CA10: variants seen among roughly 807,000 people sequenced by gnomAD.
CA10 encodes the protein carbonic anhydrase 10 (inactive).
Under a neutral mutation model 44.2 loss-of-function variants are expected in CA10, and 14 were observed. The ratio of observed to expected loss-of-function variants is 0.32; its 90% CI spans 0.21 to 0.50. The LOEUF is 0.50. CA10 is among the 20% of genes least tolerant of loss of function. The pLI, the probability that CA10 is intolerant of heterozygous loss-of-function variation, is 0.99. For synonymous variants in CA10, 159 were observed against 141.6 expected, an observed-to-expected ratio of 1.12 and a Z score of -0.87; for missense variants, 350 against 409.7, an observed-to-expected ratio of 0.85 and a Z score of 1.26.
chr17:52,114,275 C>G (rs1004297913), intron 1 of CA10, among the ~76,000 whole-genome samples: 2 of 152,170 alleles, frequency 1.3e-5, no homozygotes, highest in African/African-American at 4.8e-5. Context: ...TCCTTTTGGA[C>G]CACTAGAGTT....
intron 1 of CA10, among the ~76,000 whole-genome samples, chr17:52,118,016 A>G (rs570963793): frequency 1.6e-4 from 24 of 152,332 alleles, no homozygotes; most frequent in African/African-American, 5.1e-4. Context: ...TTGAAGTAAA[A>G]GCACAACAAG....
At chr17:52,038,687 G>A (rs1434046659) in intron 2 of CA10, among the ~76,000 whole-genome samples, 2 of 152,108 alleles carry the variant, frequency 1.3e-5, no homozygotes, top group Non-Finnish European at 2.9e-5. Flanking sequence ...GTAAGACAAT[G>A]TATTTTGCAG....
At chr17:51,681,951 G>C (rs28545175) in intron 4 of CA10, among the ~76,000 whole-genome samples, 1 of 152,108 alleles carries the variant, frequency 6.6e-6, no homozygotes, top group Non-Finnish European at 1.5e-5. Context: ...GCTGTTTGGG[G>C]TGAAGGGAGA....
chr17:51,734,180 G>C (rs1182442200), intron 4 of CA10, among the ~76,000 whole-genome samples: 5 of 41,102 alleles, frequency 1.2e-4, no homozygotes, highest in Non-Finnish European at 1.2e-4. Flanking sequence ...TCTTTGGTTG[G>C]GGGGGGGGGG....
intron 2 of CA10, among the ~76,000 whole-genome samples, chr17:51,942,099 A>T (rs959653184): frequency 2.0e-5 from 3 of 152,130 alleles, no homozygotes; most frequent in African/African-American, 7.2e-5. Flanking sequence ...AGCAGTGGAT[A>T]CCTCAGTTTT....
At chr17:51,782,780 G>A (rs1327941217) in intron 3 of CA10, among the ~76,000 whole-genome samples, 1 of 152,172 alleles carries the variant, frequency 6.6e-6, no homozygotes, top group African/African-American at 2.4e-5. Flanking sequence ...CAGGGAGGCA[G>A]GATGTTGCAT....
chr17:51,849,861 C>A (rs1215325873), intron 3 of CA10, among the ~76,000 whole-genome samples: 1 of 152,148 alleles, frequency 6.6e-6, no homozygotes, highest in East Asian at 1.9e-4. Context: ...CACTCTCTTT[C>A]TTTGCATGAA....
intron 4 of CA10, among the ~76,000 whole-genome samples, chr17:51,713,468 A>G (rs1916006180): frequency 6.6e-6 from 1 of 152,212 alleles, no homozygotes; most frequent in Non-Finnish European, 1.5e-5. Context: ...TTTGACAAAA[A>G]TAGGGCCTGA....
In CA10 at chr17:52,041,217, C is replaced by T. The variant is rs144149908; in HGVS notation, c.136+31102G>A. 1.2e-3 allele frequency among the ~76,000 whole-genome samples: 187 copies of T among 152,102 alleles called. 5 individuals carry two copies. The South Asian group carries it at 0.023, about 19-fold the overall frequency. On this transcript the variant is annotated intron_variant, in intron 2 of 8. Transcript: ENST00000451037. ...CAAAAAGTAAAATTCACAATATCTA[C>T]CATCAATTCAAAATGGCAAGACATA...
chr17:51,986,249 TA>T (rs1984833576), intron 2 of CA10, among the ~76,000 whole-genome samples: 1 of 151,500 alleles, frequency 6.6e-6, no homozygotes, highest in Non-Finnish European at 1.5e-5. Flanking sequence ...AAAAACAAAG[TA>T]AAGAAAGAAC....
chr17:51,864,592 C>T (rs1472927561), intron 3 of CA10, among the ~76,000 whole-genome samples: 1 of 152,158 alleles, frequency 6.6e-6, no homozygotes, highest in Non-Finnish European at 1.5e-5. Context: ...TTTTGCCTTT[C>T]ACACCTTTTC....
At chr17:51,841,105 GT>G (rs1047424008) in intron 3 of CA10, among the ~76,000 whole-genome samples, 3 of 152,100 alleles carry the variant, frequency 2.0e-5, no homozygotes, top group African/African-American at 7.2e-5. Context: ...TATATGCCAA[GT>G]CCCTTTTGTT....
At chr17:51,759,358 CTGTGTGTGTGTGTG>C (rs5820879) in intron 3 of CA10, among the ~76,000 whole-genome samples, 4 of 141,978 alleles carry the variant, frequency 2.8e-5, no homozygotes, top group Admixed American at 7.2e-5. Context: ...CTTCTTTGCT[CTGTGTGTGTGTGTG>C]TGTGTGTGTG....
chr17:51,723,910 C>T (rs1916435223), intron 4 of CA10, among the ~76,000 whole-genome samples: 1 of 152,138 alleles, frequency 6.6e-6, no homozygotes, highest in South Asian at 2.1e-4. Context: ...TTACTGGGTG[C>T]CCATGGGGTA....
chr17:51,642,270 T>C (rs961375284), intron 6 of CA10, among the ~76,000 whole-genome samples: 1 of 152,164 alleles, frequency 6.6e-6, no homozygotes, highest in Non-Finnish European at 1.5e-5. Flanking sequence ...GAAATGAAAG[T>C]ACAAGTTCAA....
In CA10 at chr17:51,899,901, C is replaced by T. The variant is rs72834204; in HGVS notation, c.279+31089G>A. ...TCCATTTGCTTGGTAGATTTTTCTA[C>T]ATCCCTTTACTTTGAGACTATGGGT... is the stretch of plus-strand genomic sequence containing the variant. On this transcript the variant is annotated intron_variant, in intron 3 of 8. Coordinates refer to ENST00000451037, the MANE Select transcript of CA10 (RefSeq NM_020178.5). Among the ~76,000 whole-genome samples the T allele has an allele frequency of 4.8e-3, 615 of 127,940 alleles. 23 individuals carry two copies. The highest frequency in any genetic ancestry group is 7.0e-3 in the Non-Finnish European group (421 of 60,056). 83.9% of individuals were successfully genotyped at this position (127,940 alleles called of 152,430 possible). A position where few individuals can be genotyped will look rare whatever the true frequency, so the allele number is the denominator to read the frequency against.
At chr17:51,947,697 C>T (rs978496298) in intron 2 of CA10, among the ~76,000 whole-genome samples, 1 of 152,082 alleles carries the variant, frequency 6.6e-6, no homozygotes, top group Non-Finnish European at 1.5e-5. Flanking sequence ...CTTTCAAGCC[C>T]CTCTTGTAGC....
chr17:51,798,750 C>T (rs200733534), intron 3 of CA10, among the ~76,000 whole-genome samples: 5 of 152,164 alleles, frequency 3.3e-5, no homozygotes, highest in South Asian at 2.1e-4. Context: ...AGGCTGAAGA[C>T]GCAGACTTGG....
At chr17:51,708,055 T>C (rs1411169203) in intron 4 of CA10, among the ~76,000 whole-genome samples, 1 of 152,228 alleles carries the variant, frequency 6.6e-6, no homozygotes, top group Non-Finnish European at 1.5e-5. Flanking sequence ...AAGAAAATCA[T>C]GAAAGACGTG....
Sources: gnomAD v4.1 joint callset for allele counts (sites outside exome capture counted in the v4.1 genomes callset) on GRCh38, gnomAD v4.1.1 for gene constraint, MANE v1.5 for transcripts, NCBI Gene and HGNC (gene_info 2026-07-23, HGNC 2026-07-21) for gene names.